The following TMPO variants were observed in gnomAD, a reference collection of about 807,000 sequenced individuals.
TMPO encodes the protein thymopoietin.
TMPO carries 22 observed loss-of-function variants against 45.4 expected under a neutral mutation model. That is an observed-to-expected ratio of 0.48 (90% CI 0.35 to 0.69). TMPO has a LOEUF of 0.69. Ranked by LOEUF, TMPO falls within the 30% of genes least tolerant of loss-of-function variation. TMPO has a pLI of 0.01. For missense variants in TMPO, 512 were observed against 548.8 expected (o/e 0.93, Z 0.67); for synonymous variants, 241 against 204.1 (o/e 1.18, Z -1.54).
chr12:98,547,977 T>A lies in TMPO; in HGVS notation c.*119T>A. 8.4e-7 allele frequency: 1 copy of A among 1,192,562 alleles called. No homozygotes were observed. The highest frequency in any genetic ancestry group is 1.2e-6 in the Non-Finnish European group (1 of 838,400). The allele number at this position is 1,192,562 out of a possible 1,614,324, so 73.9% of individuals were successfully genotyped here. A position where few individuals can be genotyped will look rare whatever the true frequency, so the allele number is the denominator to read the frequency against. ...TAATGTGATTTCGCCTCAATAAATG[T>A]AGTATTTCATTGAAAAGCAAACAAA... On this transcript the variant is annotated 3_prime_UTR_variant, in exon 9 of 9. Transcript: ENST00000556029.
chr12:98,521,294 A>G (rs1876347319), intron 1 of TMPO, among the ~76,000 whole-genome samples: 1 of 149,180 alleles, frequency 6.7e-6, no homozygotes. Context: ...TTGTATTTTT[A>G]GTAGAGACGG....
At chr12:98,516,441 C>T (rs983007619) in intron 1 of TMPO, 1 of 1,155,426 alleles carries the variant, frequency 8.7e-7, no homozygotes, top group Non-Finnish European at 1.1e-6. Flanking sequence ...GACCACCAGC[C>T]GCCTGCAGCG....
At chr12:98,531,515 G>A (rs899097122) in intron 2 of TMPO, among the ~76,000 whole-genome samples, 165 bp from the exon 3 acceptor site, 5 of 151,818 alleles carry the variant, frequency 3.3e-5, no homozygotes, top group Non-Finnish European at 5.9e-5. Context: ...GTTTACAGTC[G>A]TGAGCCACTA....
chr12:98,539,992 T>C (rs1385805984), intron 4 of TMPO, among the ~76,000 whole-genome samples: 9 of 152,258 alleles, frequency 5.9e-5, no homozygotes, highest in Admixed American at 6.5e-5. Flanking sequence ...AAATGTTTCG[T>C]TTATGATTAT....
At chr12:98,516,536 C>G (rs995063693) in intron 1 of TMPO, 1 of 1,034,614 alleles carries the variant, frequency 9.7e-7, no homozygotes, top group Non-Finnish European at 1.2e-6. Flanking sequence ...CGAGCGTTTT[C>G]CCGCTTTATT....
intron 4 of TMPO, among the ~76,000 whole-genome samples, chr12:98,538,329 A>G (rs1877697203): frequency 6.6e-6 from 1 of 152,154 alleles, no homozygotes; most frequent in African/African-American, 2.4e-5. Context: ...CTAGTTGGTT[A>G]TCTTTTCCAT....
At position 98,544,357 on chromosome 12, in the gene TMPO, A is replaced by G; in HGVS notation, c.783+8A>G. 1 of 1,613,958 alleles carries G rather than the reference A, an allele frequency of 6.2e-7. No individual in the cohort carries two copies. The highest frequency in any genetic ancestry group is 1.7e-4 in the Middle Eastern group (1 of 6,060). ...AGAACTCCAAGGAAAAGGGTGATGCAAGGCTTATTCCTTGGGTTTTCAGAT... is the reference window on the plus strand; with the variant it reads ...AGAACTCCAAGGAAAAGGGTGATGCGAGGCTTATTCCTTGGGTTTTCAGAT... On this transcript the variant is annotated splice_region_variant and intron_variant, in intron 5 of 8. Transcript: ENST00000556029.
At chr12:98,522,193 T>C (rs969400840) in intron 1 of TMPO, among the ~76,000 whole-genome samples, 2 of 152,160 alleles carry the variant, frequency 1.3e-5, no homozygotes. Context: ...ATTTTTAAAA[T>C]TTTTATAGAG....
chr12:98,547,601 G>T lies in TMPO; in HGVS notation c.1108G>T (p.Ala370Ser). The T allele has an allele frequency of 6.2e-7, 1 of 1,614,140 alleles. No individual in the cohort carries two copies. The highest frequency in any genetic ancestry group is 8.5e-7 in the Non-Finnish European group (1 of 1,180,014). Residue 370 changes from alanine to serine, a missense_variant, in exon 9 of 9, where the codon GCT (alanine) becomes TCT (serine). Coordinates refer to ENST00000556029, the MANE Select transcript of TMPO (RefSeq NM_001032283.3). ...TAGTTGCCGCAGACCAATCAAAGGGGCTGCAGGCCGGCCATTAGAACTCAG... is the reference window on the plus strand; with the variant it reads ...TAGTTGCCGCAGACCAATCAAAGGGTCTGCAGGCCGGCCATTAGAACTCAG... The part of the protein sequence containing the change: ...SASCRRPIKG[A>S]AGRPLELSDF...
At position 98,515,613 on chromosome 12, in the gene TMPO, C is replaced by T. The variant is rs575336054; in HGVS notation, c.-255C>T. On this transcript the variant is annotated 5_prime_UTR_variant, in exon 1 of 9. Coordinates refer to ENST00000556029, the MANE Select transcript of TMPO (RefSeq NM_001032283.3). Reference sequence around the variant, plus strand: ...GCGAAGCAGGCTGCTCGCCTCCTGCCTGTAGTGTGTGGGCTGGGGTTGGTG... The same window carrying T: ...GCGAAGCAGGCTGCTCGCCTCCTGCTTGTAGTGTGTGGGCTGGGGTTGGTG... 2 of 641,442 alleles carry T rather than the reference C, an allele frequency of 3.1e-6. No individual in the cohort carries two copies. The highest frequency in any genetic ancestry group is 5.3e-6 in the Non-Finnish European group (2 of 380,406). 39.7% of individuals were successfully genotyped at this position (641,442 alleles called of 1,614,324 possible).
chr12:98,518,915 T>A (rs1171857511), intron 1 of TMPO, among the ~76,000 whole-genome samples: 2 of 151,878 alleles, frequency 1.3e-5, no homozygotes, highest in Non-Finnish European at 2.9e-5. Context: ...CGAGTCTTGC[T>A]CTGTCGCCCA....
chr12:98,546,710 G>A (rs770775957), intron 8 of TMPO, among the ~76,000 whole-genome samples: 35 of 152,152 alleles, frequency 2.3e-4, no homozygotes, highest in Non-Finnish European at 7.3e-5. Context: ...TGAACGAACT[G>A]TTCTTTTGGG....
chr12:98,547,690 T>C lies in TMPO; in HGVS notation c.1197T>C (p.Asp399=). 1 of 1,614,232 alleles carries C rather than the reference T, an allele frequency of 6.2e-7. No individual in the cohort carries two copies. The highest frequency in any genetic ancestry group is 8.5e-7 in the Non-Finnish European group (1 of 1,180,042). The change falls in exon 9 of 9, where the codon GAT becomes GAC. Residue 399 remains aspartate, a synonymous_variant. Transcript: ENST00000556029. ...KYVPKYVPLA[D]VKSEKTKKGR... is the part of the protein sequence containing the mutation. ...TTCCTAAGTATGTTCCCTTGGCAGA[T>C]GTCAAGTCAGAAAAGACAAAAAAGG... is the stretch of plus-strand genomic sequence containing the variant.
At chr12:98,520,663 A>T (rs1876275387) in intron 1 of TMPO, among the ~76,000 whole-genome samples, 1 of 149,482 alleles carries the variant, frequency 6.7e-6, no homozygotes, top group Non-Finnish European at 1.5e-5. Context: ...TCAGTCTGTC[A>T]TCCCAGCTGG....
chr12:98,525,733 A>G (rs1876714010), intron 1 of TMPO, among the ~76,000 whole-genome samples: 1 of 138,350 alleles, frequency 7.2e-6, no homozygotes, highest in Non-Finnish European at 1.6e-5. Context: ...AGTGAGGCAC[A>G]GTCTCAAAAA....
In TMPO at chr12:98,545,394, G is replaced by A. The variant is rs11109524; in HGVS notation, c.990+333G>A. Among the ~76,000 whole-genome samples the A allele has an allele frequency of 0.22, 32,937 of 151,900 alleles. 4,615 individuals carry two copies. Among genetic ancestry groups the A allele is most frequent in the Non-Finnish European group, 0.31 (21,207 of 67,908 alleles). On this transcript the variant is annotated intron_variant, in intron 7 of 8. Coordinates refer to ENST00000556029, the MANE Select transcript of TMPO (RefSeq NM_001032283.3). ...GAAAGTGCTGCTGGGCTATGAGGGA[G>A]GCTACACTTTCTTTTGTTGACGGGT...
At chr12:98,521,165 T>G (rs1592931804) in intron 1 of TMPO, among the ~76,000 whole-genome samples, 2 of 140,886 alleles carry the variant, frequency 1.4e-5, no homozygotes, top group East Asian at 4.3e-4. Flanking sequence ...TGGACTGCAG[T>G]GGCGTGATCT....
At chr12:98,545,147 T>C in intron 7 of TMPO, 86 bp downstream of exon 7, 1 of 1,004,654 alleles carries the variant, frequency 1.0e-6, no homozygotes. Context: ...TTTTTTTTTT[T>C]GGAGTGGGAG....
Position 98,547,709 on chromosome 12 carries a change from A to T in TMPO, c.1216A>T (p.Lys406Ter). 6.2e-7 allele frequency: 1 copy of T among 1,614,214 alleles called. No homozygotes were observed. Among genetic ancestry groups the T allele is most frequent in the Non-Finnish European group, 8.5e-7 (1 of 1,180,046 alleles). The change falls in exon 9 of 9, where the codon AAA (lysine) becomes TAA (stop). Residue 406 changes from lysine (K) to a stop codon, truncating the protein, a stop_gained. Transcript: ENST00000556029. LOFTEE classifies it high-confidence loss of function. ...GGCAGATGTCAAGTCAGAAAAGACA[A>T]AAAAGGGACGCTCCATTCCCGTATG... ...PLADVKSEKT[K>*]KGRSIPVWIK... is the part of the protein sequence containing the mutation.
Sources: allele counts gnomAD v4.1 joint callset (sites outside exome capture counted in the v4.1 genomes callset), GRCh38; gene constraint gnomAD v4.1.1; transcripts MANE v1.5; gene names NCBI Gene and HGNC (gene_info 2026-07-23, HGNC 2026-07-21).